Variants in CHST15 observed in about 807,000 individuals in gnomAD.
The protein encoded by CHST15 is B cell RAG associated protein (GALNAC4S-6ST).
A neutral mutation model predicts 53.6 loss-of-function variants in CHST15; 30 were observed. The ratio of observed to expected loss-of-function variants is 0.56; its 90% confidence interval spans 0.42 to 0.76. The LOEUF is 0.76. CHST15 is among the 30% of genes least tolerant of loss of function. The probability of loss-of-function intolerance (pLI) is 0.00; values close to 1 mark genes in which losing one functional copy is unlikely to be tolerated. For synonymous variants in CHST15, 296 were observed against 289.8 expected (o/e 1.02, Z -0.22); for missense variants, 627 against 740.5 (o/e 0.85, Z 1.78).
chr10:124,080,661 T>C (rs371758829), intron 1 of CHST15, among the ~76,000 whole-genome samples: 1 of 152,170 alleles, frequency 6.6e-6, no homozygotes, highest in Non-Finnish European at 1.5e-5. Context: ...GTTGAAGACA[T>C]TGAAGGGCCA....
intron 5 of CHST15, among the ~76,000 whole-genome samples, chr10:124,035,054 G>A (rs1947407044): frequency 7.0e-6 from 1 of 142,150 alleles, no homozygotes; most frequent in African/African-American, 2.7e-5. Flanking sequence ...CCCCTGATAG[G>A]TACCCCGGCT....
chr10:124,061,157 G>C (rs1454563130), intron 1 of CHST15, among the ~76,000 whole-genome samples: 1 of 152,150 alleles, frequency 6.6e-6, no homozygotes, highest in Non-Finnish European at 1.5e-5. Context: ...TCACTTCATG[G>C]AGGATGGGAC....
In CHST15 at chr10:124,082,029, G is replaced by T. The variant is rs1390329004; in HGVS notation, c.-513+11440C>A. Reference sequence around the variant, plus strand: ...ACTAGAAAGATGCTGGCGCCACAAGGTGCTGTTCTTATTCGGCCGCTGGTG... The same window carrying T: ...ACTAGAAAGATGCTGGCGCCACAAGTTGCTGTTCTTATTCGGCCGCTGGTG... On this transcript the variant is annotated intron_variant, in intron 1 of 7. Transcript: ENST00000435907. Among the ~76,000 whole-genome samples the T allele has an allele frequency of 2.6e-5, 4 of 152,314 alleles. No individual in the cohort carries two copies. In the East Asian group the frequency reaches 7.7e-4, roughly 29 times the overall value.
At chr10:124,086,748 T>G (rs554026441) in intron 1 of CHST15, among the ~76,000 whole-genome samples, 1 of 152,172 alleles carries the variant, frequency 6.6e-6, no homozygotes, top group East Asian at 1.9e-4. Flanking sequence ...GGAGCTCCCC[T>G]GAACCCTGAA....
At chr10:124,091,560 G>A (rs1424568794) in intron 1 of CHST15, among the ~76,000 whole-genome samples, 1 of 152,196 alleles carries the variant, frequency 6.6e-6, no homozygotes, top group Non-Finnish European at 1.5e-5. Flanking sequence ...GAGGGGCTGG[G>A]GGCACTGCTA....
At chr10:124,070,657 G>A (rs942467069) in intron 1 of CHST15, among the ~76,000 whole-genome samples, 5 of 152,126 alleles carry the variant, frequency 3.3e-5, no homozygotes, top group Non-Finnish European at 2.9e-5. Flanking sequence ...ATTCAGGAGT[G>A]AGCCATTGTG....
rs5788645 is a variant in CHST15, at chr10:124,021,236, CGGGG to C, written c.1347+16_1347+19del. On this transcript the variant is annotated intron_variant, in intron 6 of 7. Transcript: ENST00000435907. ...CTGCCAGGGGCCAGCTCGGGGGGTA[CGGGG>C]GGGGGGGGTACACACAGGCATGGCG... 1.9e-5 allele frequency: 25 copies of C among 1,286,622 alleles called. No homozygotes were observed. The highest frequency in any genetic ancestry group is 4.5e-5 in the Admixed American group (2 of 44,894). The allele number at this position is 1,286,622 out of a possible 1,614,324, so 79.7% of individuals were successfully genotyped here. A position where few individuals can be genotyped will look rare whatever the true frequency, so the allele number is the denominator to read the frequency against.
At chr10:124,026,609 G>A (rs1025646343) in intron 5 of CHST15, among the ~76,000 whole-genome samples, 3 of 152,184 alleles carry the variant, frequency 2.0e-5, no homozygotes, top group South Asian at 2.1e-4. Context: ...CACAGCTCAC[G>A]ATCAATCATC....
intron 6 of CHST15, among the ~76,000 whole-genome samples, chr10:124,014,917 C>T (rs1946539757): frequency 6.6e-6 from 1 of 152,202 alleles, no homozygotes; most frequent in African/African-American, 2.4e-5. Context: ...GCAGCATGGT[C>T]CTCCTCAGCA....
intron 1 of CHST15, among the ~76,000 whole-genome samples, chr10:124,073,970 G>A (rs542237834): frequency 1.3e-5 from 2 of 152,278 alleles, no homozygotes; most frequent in South Asian, 2.1e-4. Flanking sequence ...GCCACATCCC[G>A]GGCCTGCTCA....
intron 4 of CHST15, among the ~76,000 whole-genome samples, chr10:124,039,934 G>T (rs1312675019): frequency 6.6e-6 from 1 of 152,172 alleles, no homozygotes; most frequent in Non-Finnish European, 1.5e-5. Flanking sequence ...AGTGACAAGT[G>T]TATCATATCC....
chr10:124,018,500 A>G (rs1564851470), intron 6 of CHST15, among the ~76,000 whole-genome samples: 1 of 152,230 alleles, frequency 6.6e-6, no homozygotes, highest in Non-Finnish European at 1.5e-5. Context: ...GGGGAGACAC[A>G]GCCAGGCCTG....
At chr10:124,038,385 C>A (rs1176295122) in intron 5 of CHST15, 130 bp downstream of exon 5, 1 of 1,019,756 alleles carries the variant, frequency 9.8e-7, no homozygotes, top group South Asian at 1.6e-5. Context: ...GGATTACAGG[C>A]ATGAGCCACT....
In CHST15 at chr10:124,046,560, T is replaced by A; in HGVS notation, c.-348A>T. 4.6e-6 allele frequency: 1 copy of A among 215,212 alleles called. No individual in the cohort carries two copies. The highest frequency in any genetic ancestry group is 5.7e-5 in the Admixed American group (1 of 17,458). 13.3% of individuals were successfully genotyped at this position (215,212 alleles called of 1,614,324 possible). ...AGGTGGAAGAATTCTCACTGGGGAA[T>A]GTGGAAACACACAGAAAATTAAAAG... On this transcript the variant is annotated 5_prime_UTR_variant, in exon 2 of 8. Coordinates refer to ENST00000435907, the MANE Select transcript of CHST15 (RefSeq NM_001270764.2).
In CHST15 at chr10:124,010,029, G is replaced by C; in HGVS notation, c.*120C>G. 5.1e-6 allele frequency: 8 copies of C among 1,566,414 alleles called. No individual in the cohort carries two copies. The South Asian group carries it at 6.0e-5, about 12-fold the overall frequency. ...AATGGTTATAATTCATGTGTGCCTA[G>C]AGTGGCAGAGTCCTGGGGTTTTCCA... On this transcript the variant is annotated 3_prime_UTR_variant, in exon 8 of 8. Coordinates refer to ENST00000435907, the MANE Select transcript of CHST15 (RefSeq NM_001270764.2).
In CHST15 at chr10:124,008,267, T is replaced by TTG. The variant is rs1218658447; in HGVS notation, c.*1880_*1881dup. 3.4e-6 allele frequency: 4 copies of TTG among 1,181,772 alleles called. No individual in the cohort carries two copies. The Admixed American group carries it at 1.8e-4, about 54-fold the overall frequency. 73.2% of individuals were successfully genotyped at this position (1,181,772 alleles called of 1,614,324 possible). On this transcript the variant is annotated 3_prime_UTR_variant, in exon 8 of 8. Transcript: ENST00000435907. Reference sequence around the variant, plus strand: ...GCAGAGAAATTAATCTATAAAAGGGTTGTGTCCAGAGCGGAGGAGCCTCAT... The same window carrying TTG: ...GCAGAGAAATTAATCTATAAAAGGGTTGTGTGTCCAGAGCGGAGGAGCCTCAT...
At chr10:124,085,172 A>G (rs1024071018) in intron 1 of CHST15, among the ~76,000 whole-genome samples, 2 of 152,230 alleles carry the variant, frequency 1.3e-5, no homozygotes, top group African/African-American at 4.8e-5. Context: ...ACATGCCAGG[A>G]CATACTTTAT....
In CHST15 at chr10:124,038,650, A is replaced by C. The variant is rs765080969; in HGVS notation, c.1055T>G (p.Met352Arg). The change falls in exon 5 of 8, where the codon ATG (methionine) becomes AGG (arginine). Residue 352 changes from methionine to arginine, a missense_variant. Met to Arg is a moderately conservative substitution (Grantham distance 91). Transcript: ENST00000435907. ...GAACGTCCAGGCATTATTATCCCAC[A>C]TCGTGGAGGCACTGGCCTCCCCTGG... ...IIIGEASAST[M>R]WDNNAWTFFY... 1 of 1,614,094 alleles carries C rather than the reference A, an allele frequency of 6.2e-7. No homozygotes were observed. Among genetic ancestry groups the C allele is most frequent in the Non-Finnish European group, 8.5e-7 (1 of 1,179,996 alleles).
intron 1 of CHST15, among the ~76,000 whole-genome samples, chr10:124,092,140 G>T (rs530338139): frequency 6.6e-6 from 1 of 152,178 alleles, no homozygotes; most frequent in Admixed American, 6.5e-5. Context: ...ATCCCAGGGG[G>T]CCAATTGCGC....
Sources: allele counts gnomAD v4.1 joint callset (sites outside exome capture counted in the v4.1 genomes callset), GRCh38; gene constraint gnomAD v4.1.1; transcripts MANE v1.5; gene names NCBI Gene and HGNC (gene_info 2026-07-23, HGNC 2026-07-21).